CLSPN: variants seen among roughly 807,000 people sequenced by gnomAD.
CLSPN encodes claspin, also known as claspin homolog.
Under a neutral mutation model 156.3 loss-of-function variants are expected in CLSPN, and 85 were observed. The ratio of observed to expected loss-of-function variants is 0.54; its 90% CI spans 0.46 to 0.65. The LOEUF (loss-of-function observed/expected upper bound fraction) is 0.65, where lower values mean the gene tolerates loss of function less well. Ranked by LOEUF, CLSPN falls within the 30% of genes least tolerant of loss-of-function variation. CLSPN has a pLI of 0.00. For missense variants in CLSPN, 1,407 were observed against 1,554.9 expected, an observed-to-expected ratio of 0.90 and a Z score of 1.60; for synonymous variants, 534 against 542.4, an observed-to-expected ratio of 0.98 and a Z score of 0.22.
At position 35,769,887 on chromosome 1, in the gene CLSPN, G is replaced by A; in HGVS notation, c.-17C>T. ...GCCTGTCATGACTTCTGCCTCCCCT[G>A]CGCTCCACTAGGGACGGAGCTGTCT... On this transcript the variant is annotated 5_prime_UTR_variant, in exon 1 of 25. Coordinates refer to ENST00000318121, the MANE Select transcript of CLSPN (RefSeq NM_022111.4). The A allele has an allele frequency of 6.2e-7, 1 of 1,609,376 alleles. No individual in the cohort carries two copies. Among genetic ancestry groups the A allele is most frequent in the Non-Finnish European group, 8.5e-7 (1 of 1,177,818 alleles).
At chr1:35,748,379 G>A (rs759709405) in intron 13 of CLSPN, 26 bp downstream of exon 13, 6 of 1,599,168 alleles carry the variant, frequency 3.8e-6, no homozygotes, top group South Asian at 2.2e-5. Flanking sequence ...GAGAGGAGGA[G>A]ATTAGAAAAA....
At position 35,723,305 on chromosome 1, in the gene CLSPN, T is replaced by C. The variant is rs1641115407; in HGVS notation, c.3910-2325A>G. Among the ~76,000 whole-genome samples the C allele has an allele frequency of 2.0e-5, 3 of 152,272 alleles. No individual in the cohort carries two copies. In the South Asian group the frequency reaches 6.2e-4, roughly 32 times the overall value. The stretch of plus-strand genomic sequence containing the variant: ...CTGAACAGGGCTTTGCAAAAGGCCA[T>C]GCCATCAAGACCCAATGATGGACAG... On this transcript the variant is annotated intron_variant, in intron 24 of 24. Coordinates refer to the CLSPN transcript ENST00000251195.
Position 35,735,938 on chromosome 1 carries a change from G to A in CLSPN, c.*558C>T, listed in dbSNP as rs1273765978. 12 of 985,122 alleles carry A rather than the reference G, an allele frequency of 1.2e-5. No homozygotes were observed. The highest frequency in any genetic ancestry group is 8.4e-6 in the Non-Finnish European group (7 of 829,898). 61.0% of individuals were successfully genotyped at this position (985,122 alleles called of 1,614,324 possible). A position where few individuals can be genotyped will look rare whatever the true frequency, so the allele number is the denominator to read the frequency against. ...ATGGAGGAAGTGAAACCTAACCCAAGGCCAGGTGCAGTGACTCATGCATGT... is the reference window on the plus strand; with the variant it reads ...ATGGAGGAAGTGAAACCTAACCCAAAGCCAGGTGCAGTGACTCATGCATGT... On this transcript the variant is annotated 3_prime_UTR_variant, in exon 25 of 25. Coordinates refer to ENST00000318121, the MANE Select transcript of CLSPN (RefSeq NM_022111.4).
intron 8 of CLSPN, among the ~76,000 whole-genome samples, chr1:35,760,022 C>T (rs1445101676): frequency 6.6e-6 from 1 of 151,946 alleles, no homozygotes; most frequent in Non-Finnish European, 1.5e-5. Context: ...TTAGTACAGA[C>T]GGGGTTTCAC....
chr1:35,740,856 T>G (rs1360584787), intron 18 of CLSPN, among the ~76,000 whole-genome samples: 1 of 152,222 alleles, frequency 6.6e-6, no homozygotes, highest in Non-Finnish European at 1.5e-5. Flanking sequence ...CTGTCATTCT[T>G]TAAAAGATTT....
At chr1:35,743,619 G>A in intron 16 of CLSPN, 89 bp from the exon 17 acceptor site, 1 of 1,061,886 alleles carries the variant, frequency 9.4e-7, no homozygotes, top group Non-Finnish European at 1.4e-6. Context: ...AAAATTTTGT[G>A]TGTGTTAATT....
chr1:35,727,625 C>T (rs1432308850), downstream of CLSPN, among the ~76,000 whole-genome samples: 1 of 152,210 alleles, frequency 6.6e-6, no homozygotes, highest in African/African-American at 2.4e-5. Context: ...GGCTGTTATG[C>T]ACTGATCCTT....
chr1:35,761,027 T>G lies in CLSPN; in HGVS notation c.1004+69A>C, dbSNP rs945503994. ...TTTAAGGGAGTGAGAAATCTGAACTTTTTATGCCAGATGTTTGCTACAAAA... is the reference window on the plus strand; with the variant it reads ...TTTAAGGGAGTGAGAAATCTGAACTGTTTATGCCAGATGTTTGCTACAAAA... On this transcript the variant is annotated intron_variant, in intron 7 of 24. Coordinates refer to ENST00000318121, the MANE Select transcript of CLSPN (RefSeq NM_022111.4). 11 of 1,434,596 alleles carry G rather than the reference T, an allele frequency of 7.7e-6. No individual in the cohort carries two copies. The Admixed American group carries it at 1.8e-4, about 23-fold the overall frequency. The allele number at this position is 1,434,596 out of a possible 1,614,324, so 88.9% of individuals were successfully genotyped here. A position where few individuals can be genotyped will look rare whatever the true frequency, so the allele number is the denominator to read the frequency against.
chr1:35,761,777 A>G (rs1027858820), intron 6 of CLSPN, among the ~76,000 whole-genome samples: 7 of 152,168 alleles, frequency 4.6e-5, no homozygotes, highest in Non-Finnish European at 7.4e-5. Flanking sequence ...CCATTAAAAA[A>G]TTTCCTCCTT....
At chr1:35,723,032 A>G (rs1431678410) in intron 24 of CLSPN, among the ~76,000 whole-genome samples, 2 of 152,126 alleles carry the variant, frequency 1.3e-5, no homozygotes, top group Non-Finnish European at 2.9e-5. Context: ...TCACTCCATA[A>G]TTTTCAGAGC....
chr1:35,739,059 A>C, intron 20 of CLSPN, 77 bp downstream of exon 20: 2 of 1,561,982 alleles, frequency 1.3e-6, no homozygotes, highest in Non-Finnish European at 8.8e-7. Flanking sequence ...TCTGCCTCCC[A>C]AAGTGTTGGG....
chr1:35,769,844 C>T lies in CLSPN; in HGVS notation c.24+3G>A. On this transcript the variant is annotated splice_donor_region_variant and intron_variant, in intron 1 of 24. Coordinates refer to ENST00000318121, the MANE Select transcript of CLSPN (RefSeq NM_022111.4). Reference sequence around the variant, plus strand: ...CCCGTGGGGGGCGTGTGCATAAACTCACCTCAGAACCCACCTCGCCTGTCA... The same window carrying T: ...CCCGTGGGGGGCGTGTGCATAAACTTACCTCAGAACCCACCTCGCCTGTCA... The T allele has an allele frequency of 6.2e-7, 1 of 1,601,494 alleles. No individual in the cohort carries two copies. Among genetic ancestry groups the T allele is most frequent in the East Asian group, 2.3e-5 (1 of 43,786 alleles).
At chr1:35,726,341 C>A (rs943194511) in intron 24 of CLSPN, among the ~76,000 whole-genome samples, 1 of 152,056 alleles carries the variant, frequency 6.6e-6, no homozygotes. Flanking sequence ...TTCCCAGACC[C>A]TTTCCTCCTT....
intron 9 of CLSPN, among the ~76,000 whole-genome samples, chr1:35,752,560 A>C (rs937850513): frequency 7.0e-6 from 1 of 141,910 alleles, no homozygotes; most frequent in Non-Finnish European, 1.5e-5. Context: ...CCAGGGTGAC[A>C]GTGCAGGACT....
At chr1:35,722,713 C>T (rs1306044062) in intron 24 of CLSPN, among the ~76,000 whole-genome samples, 3 of 151,896 alleles carry the variant, frequency 2.0e-5, no homozygotes, top group South Asian at 4.1e-4. Context: ...TTCATTGCAA[C>T]GTCCGCCTCC....
intron 24 of CLSPN, among the ~76,000 whole-genome samples, chr1:35,725,488 C>T (rs557582048): frequency 6.6e-6 from 1 of 151,998 alleles, no homozygotes; most frequent in Non-Finnish European, 1.5e-5. Flanking sequence ...CTAGCAGCTG[C>T]CTCTGTGGGC....
At position 35,748,681 on chromosome 1, in the gene CLSPN, T is replaced by C; in HGVS notation, c.2273-77A>G. The C allele has an allele frequency of 3.2e-6, 4 of 1,234,074 alleles. No individual in the cohort carries two copies. In the East Asian group the frequency reaches 7.0e-5, roughly 22 times the overall value. The allele number at this position is 1,234,074 out of a possible 1,614,324, so 76.4% of individuals were successfully genotyped here. Reference sequence around the variant, plus strand: ...TTTGTTTAGGAAAAAGAGTTGAGGATGAAACTGTCAGATAAAATTCATAGG... The same window carrying C: ...TTTGTTTAGGAAAAAGAGTTGAGGACGAAACTGTCAGATAAAATTCATAGG... On this transcript the variant is annotated intron_variant, in intron 12 of 24. Transcript: ENST00000318121.
intron 12 of CLSPN, among the ~76,000 whole-genome samples, chr1:35,749,125 G>A (rs1038700242): frequency 1.3e-5 from 2 of 151,900 alleles, no homozygotes; most frequent in Non-Finnish European, 2.9e-5. Context: ...GCGCCTGGCC[G>A]AAAGTTCTCT....
Position 35,753,940 on chromosome 1 carries a change from AACCCAAAC to A in CLSPN, c.1580-12_1580-5del. The A allele has an allele frequency of 6.2e-7, 1 of 1,613,676 alleles. No homozygotes were observed. The highest frequency in any genetic ancestry group is 8.5e-7 in the Non-Finnish European group (1 of 1,179,768). ...CGCTGCTTCAAGGCTTCCAGTTCTAAACCCAAACGCCAACCAGTGTGTCAGTTTGCCAT... is the reference window on the plus strand; with the variant it reads ...CGCTGCTTCAAGGCTTCCAGTTCTAAGCCAACCAGTGTGTCAGTTTGCCAT... On this transcript the variant is annotated splice_region_variant and splice_polypyrimidine_tract_variant and intron_variant, in intron 8 of 24. Coordinates refer to ENST00000318121, the MANE Select transcript of CLSPN (RefSeq NM_022111.4).
Sources: allele counts gnomAD v4.1 joint callset (sites outside exome capture counted in the v4.1 genomes callset), GRCh38; gene constraint gnomAD v4.1.1; transcripts MANE v1.5; gene names NCBI Gene and HGNC (gene_info 2026-07-23, HGNC 2026-07-21).